Variants in TENM1 observed in about 807,000 individuals in gnomAD.
The protein encoded by TENM1 is teneurin-1.
A neutral mutation model predicts 174.8 loss-of-function variants in TENM1; 35 were observed. That is an observed-to-expected ratio of 0.20 (90% CI 0.15 to 0.27). TENM1 has a LOEUF of 0.27. Ranked by LOEUF, TENM1 falls within the 10% of genes least tolerant of loss-of-function variation. The pLI is 1.00. For synonymous variants in TENM1, 781 were observed against 798.7 expected (o/e 0.98, Z 0.37); for missense variants, 1,633 against 2,130.1 (o/e 0.77, Z 4.59).
intron 1 of TENM1, among the ~76,000 whole-genome samples, chrX:124,924,831 C>T (rs758405569): frequency 9.0e-6 from 1 of 111,030 alleles, no homozygotes; most frequent in South Asian, 3.9e-4. Flanking sequence ...TCATGCCATA[C>T]TTCACTGTGC....
intron 14 of TENM1, among the ~76,000 whole-genome samples, chrX:124,551,732 C>G (rs2048578893): frequency 3.6e-5 from 4 of 111,829 alleles, no homozygotes; most frequent in Non-Finnish European, 7.5e-5. Context: ...CTCAATAAAG[C>G]TGGAAAGGTA....
At chrX:124,707,254 C>T (rs2052930480) in intron 4 of TENM1, among the ~76,000 whole-genome samples, 1 of 112,086 alleles carries the variant, frequency 8.9e-6, no homozygotes, top group Non-Finnish European at 1.9e-5. Context: ...CCGCCTACCT[C>T]AGCCTCCTAA....
chrX:125,009,743 A>G, the TENM1 span, among the ~76,000 whole-genome samples: 7 of 112,076 alleles, frequency 6.2e-5, no homozygotes, highest in Non-Finnish European at 1.1e-4. Context: ...CAAATCAATC[A>G]ATGTAATCCA....
intron 3 of TENM1, among the ~76,000 whole-genome samples, chrX:124,892,193 C>T (rs921970196): frequency 3.6e-5 from 4 of 111,496 alleles, no homozygotes; most frequent in Admixed American, 2.9e-4. Context: ...ACAGACAATT[C>T]AGCATCAACA....
chrX:124,455,866 G>A (rs1227338844), intron 22 of TENM1, among the ~76,000 whole-genome samples: 1 of 111,374 alleles, frequency 9.0e-6, no homozygotes, highest in Non-Finnish European at 1.9e-5. Flanking sequence ...TTCACAAAAG[G>A]TACAGAGAAA....
intron 22 of TENM1, among the ~76,000 whole-genome samples, chrX:124,470,798 G>C (rs1036187314): frequency 2.7e-5 from 3 of 109,954 alleles, no homozygotes; most frequent in Non-Finnish European, 5.7e-5. Context: ...TCAGTACTAT[G>C]ACACTCCTTC....
At chrX:125,061,682 C>T in the TENM1 span, among the ~76,000 whole-genome samples, 1 of 111,845 alleles carries the variant, frequency 8.9e-6, no homozygotes, top group East Asian at 2.8e-4. Flanking sequence ...TCTGGGAGGT[C>T]GAGGCGGGCA....
At chrX:124,900,548 C>T (rs964747939) in intron 1 of TENM1, among the ~76,000 whole-genome samples, 2 of 111,241 alleles carry the variant, frequency 1.8e-5, no homozygotes, top group Non-Finnish European at 3.8e-5. Flanking sequence ...TATTATACTT[C>T]AATTATACCC....
exon 5 of TENM1, chrX:124,705,231 C>T: frequency 1.7e-6 from 2 of 1,199,979 alleles, no homozygotes; most frequent in Admixed American, 2.2e-5. Context: ...GGAACCAGAT[C>T]CATGTTTGAA....
At chrX:125,139,823 A>AACACACACACAC in the TENM1 span, among the ~76,000 whole-genome samples, 36 of 78,524 alleles carry the variant, frequency 4.6e-4, no homozygotes, top group African/African-American at 1.6e-3. Flanking sequence ...AGCTGCCCTC[A>AACACACACACAC]ACACACACAC....
chrX:124,780,159 A>G (rs1371261795), intron 3 of TENM1, among the ~76,000 whole-genome samples: 2 of 111,947 alleles, frequency 1.8e-5, no homozygotes, highest in Admixed American at 9.5e-5. Context: ...AAAAATGCCA[A>G]TGAAATAAAA....
chrX:124,489,749 C>T (rs1359892306), intron 20 of TENM1, among the ~76,000 whole-genome samples: 2 of 112,024 alleles, frequency 1.8e-5, no homozygotes, highest in Non-Finnish European at 1.9e-5. Flanking sequence ...GAGACTCTGA[C>T]TGGCCTGCAC....
chrX:125,038,967 ACTT>A, the TENM1 span, among the ~76,000 whole-genome samples: 1 of 111,782 alleles, frequency 8.9e-6, no homozygotes, highest in Non-Finnish European at 1.9e-5. Context: ...AAAGGGACTG[ACTT>A]CTTCATGTAT....
intron 6 of TENM1, among the ~76,000 whole-genome samples, chrX:124,661,601 T>G (rs2051603095): frequency 1.8e-5 from 2 of 112,044 alleles, no homozygotes. Context: ...TAACTTTGGA[T>G]GGTGGCAGGA....
chrX:124,497,250 C>G, exon 20 of TENM1: 1 of 1,205,580 alleles, frequency 8.3e-7, no homozygotes, highest in Non-Finnish European at 1.1e-6. Context: ...TTCTCCATTC[C>G]CTTTATGTAT....
the TENM1 span, among the ~76,000 whole-genome samples, chrX:125,027,680 C>A: frequency 2.1e-5 from 2 of 97,085 alleles, no homozygotes; most frequent in Non-Finnish European, 4.0e-5. Flanking sequence ...GTGGTGCGAT[C>A]TCGGCTCACT....
At chrX:125,139,915 G>A in the TENM1 span, among the ~76,000 whole-genome samples, 1 of 109,577 alleles carries the variant, frequency 9.1e-6, no homozygotes, top group Admixed American at 9.8e-5. Flanking sequence ...GAGAGAAGTA[G>A]AGAGAGAGTA....
chrX:124,431,555 T>C (rs2060779143), intron 23 of TENM1, among the ~76,000 whole-genome samples: 1 of 112,207 alleles, frequency 8.9e-6, no homozygotes, highest in Non-Finnish European at 1.9e-5. Context: ...CATCACTTTT[T>C]GTCAGTTTTC....
At chrX:125,172,558 AT>A in the TENM1 span, among the ~76,000 whole-genome samples, 1 of 111,532 alleles carries the variant, frequency 9.0e-6, no homozygotes, top group Non-Finnish European at 1.9e-5. Context: ...GTCTAGACCA[AT>A]TTTTTAAAAA....
Sources: allele counts gnomAD v4.1 joint callset (sites outside exome capture counted in the v4.1 genomes callset), GRCh38; gene constraint gnomAD v4.1.1; transcripts MANE v1.5; gene names NCBI Gene and HGNC (gene_info 2026-07-23, HGNC 2026-07-21).